PTPN13: variants seen among roughly 807,000 people sequenced by gnomAD.
The protein encoded by PTPN13 is tyrosine-protein phosphatase non-receptor type 13.
A neutral mutation model predicts 284.0 loss-of-function variants in PTPN13; 191 were observed. The ratio of observed to expected loss-of-function variants is 0.67; its 90% CI spans 0.60 to 0.76. The LOEUF (loss-of-function observed/expected upper bound fraction) is 0.76, where lower values mean the gene tolerates loss of function less well. PTPN13 is among the 30% of genes least tolerant of loss of function. The pLI, the probability that PTPN13 is intolerant of heterozygous loss-of-function variation, is 0.00. For synonymous variants in PTPN13, 986 were observed against 1,022.3 expected (o/e 0.96, Z 0.68); for missense variants, 2,797 against 2,939.9 (o/e 0.95, Z 1.12).
At chr4:86,629,727 G>A (rs1654966898) in intron 1 of PTPN13, among the ~76,000 whole-genome samples, 1 of 151,884 alleles carries the variant, frequency 6.6e-6, no homozygotes, top group African/African-American at 2.4e-5. Flanking sequence ...ATTTTTAAAT[G>A]AACATTCTTA....
chr4:86,760,495 T>A (rs1738547777), intron 23 of PTPN13, among the ~76,000 whole-genome samples: 1 of 152,304 alleles, frequency 6.6e-6, no homozygotes, highest in Admixed American at 6.5e-5. Context: ...TATTCATTTG[T>A]CCAACAAATA....
chr4:86,745,274 C>G, intron 17 of PTPN13, 146 bp downstream of exon 17: 1 of 759,464 alleles, frequency 1.3e-6, no homozygotes, highest in Non-Finnish European at 2.1e-6. Flanking sequence ...AAAGGTGTTA[C>G]AAGTGAAGCC....
At chr4:86,792,106 T>G (rs1194357684) in intron 40 of PTPN13, among the ~76,000 whole-genome samples, 2 of 151,936 alleles carry the variant, frequency 1.3e-5, no homozygotes, top group Non-Finnish European at 2.9e-5. Context: ...GCTAAAAACC[T>G]TGAAAAAAAG....
At chr4:86,605,193 G>C (rs1233861386) in intron 1 of PTPN13, among the ~76,000 whole-genome samples, 1 of 151,962 alleles carries the variant, frequency 6.6e-6, no homozygotes, top group East Asian at 1.9e-4. Context: ...TAAAGAAAGT[G>C]CCTTAGGAGA....
intron 2 of PTPN13, among the ~76,000 whole-genome samples, chr4:86,653,716 T>G (rs1259521633): frequency 6.6e-6 from 1 of 152,110 alleles, no homozygotes; most frequent in Non-Finnish European, 1.5e-5. Flanking sequence ...GTGATCACAG[T>G]GTGTATATAT....
At chr4:86,648,794 A>G (rs1724740663) in intron 2 of PTPN13, among the ~76,000 whole-genome samples, 1 of 151,984 alleles carries the variant, frequency 6.6e-6, no homozygotes, top group Admixed American at 6.6e-5. Context: ...ATTTTTTTTG[A>G]GAAACCTCCA....
chr4:86,800,272 C>T (rs1037281183), intron 42 of PTPN13, among the ~76,000 whole-genome samples: 5 of 151,846 alleles, frequency 3.3e-5, no homozygotes, highest in African/African-American at 7.2e-5. Context: ...GTGTTTAATT[C>T]GTCTTATTTT....
chr4:86,716,408 A>G (rs10516780), intron 7 of PTPN13, 122 bp from the exon 8 acceptor site: 56,350 of 626,222 alleles, frequency 0.09, 2,994 homozygotes, highest in Non-Finnish European at 0.11. Flanking sequence ...ACACTCCAGC[A>G]ATTGGTAAAT....
intron 35 of PTPN13, among the ~76,000 whole-genome samples, chr4:86,777,836 G>A (rs1398954253): frequency 1.3e-5 from 2 of 152,046 alleles, no homozygotes; most frequent in East Asian, 3.9e-4. Context: ...AATTGGATTG[G>A]CATACAATTG....
intron 1 of PTPN13, among the ~76,000 whole-genome samples, chr4:86,617,278 T>C (rs1229544219): frequency 1.3e-5 from 2 of 152,212 alleles, no homozygotes; most frequent in Non-Finnish European, 2.9e-5. Flanking sequence ...TCTGTTGCAC[T>C]GACCAGATTT....
intron 6 of PTPN13, among the ~76,000 whole-genome samples, chr4:86,700,160 A>G (rs1458002547): frequency 6.6e-6 from 1 of 152,192 alleles, no homozygotes; most frequent in Non-Finnish European, 1.5e-5. Flanking sequence ...TGTTCAGGGA[A>G]TTAAAGCTTA....
chr4:86,597,495 G>A (rs553424889), intron 1 of PTPN13, among the ~76,000 whole-genome samples: 12 of 152,266 alleles, frequency 7.9e-5, no homozygotes, highest in African/African-American at 2.6e-4. Flanking sequence ...ATTAATGTAG[G>A]ACTTTTAATG....
Position 86,732,649 on chromosome 4 carries a change from G to C in PTPN13, c.1741G>C (p.Gly581Arg). ...GAAAGTAAACATAATGCTTCTGAACGGGCAAAGACTGGAACTGACCTGTGA... is the reference window on the plus strand; with the variant it reads ...GAAAGTAAACATAATGCTTCTGAACCGGCAAAGACTGGAACTGACCTGTGA... ...RRKVNIMLLN[G>R]QRLELTCDTK... The change falls in exon 12 of 48, where the codon GGG (glycine) becomes CGG (arginine). Residue 581 changes from glycine to arginine, a missense_variant. Coordinates refer to ENST00000411767, the MANE Select transcript of PTPN13 (RefSeq NM_080683.3). 1 of 1,613,468 alleles carries C rather than the reference G, an allele frequency of 6.2e-7. No individual in the cohort carries two copies. Among genetic ancestry groups the C allele is most frequent in the Non-Finnish European group, 8.5e-7 (1 of 1,179,616 alleles).
At chr4:86,763,790 T>C (rs1015552040) in intron 24 of PTPN13, among the ~76,000 whole-genome samples, 1 of 151,966 alleles carries the variant, frequency 6.6e-6, no homozygotes. Context: ...CATGTATCTG[T>C]AGTCCTAGCT....
intron 45 of PTPN13, among the ~76,000 whole-genome samples, 164 bp from the exon 46 acceptor site, chr4:86,809,605 C>T (rs748279616): frequency 7.2e-5 from 11 of 152,084 alleles, no homozygotes; most frequent in Admixed American, 2.6e-4. Flanking sequence ...GCAGGAGAAT[C>T]GCTTGAACCT....
intron 2 of PTPN13, among the ~76,000 whole-genome samples, chr4:86,663,427 C>G (rs1000905804): frequency 2.6e-5 from 4 of 152,152 alleles, no homozygotes; most frequent in Non-Finnish European, 5.9e-5. Context: ...CCTTTTTGAT[C>G]AGATTCTTCT....
At chr4:86,650,497 A>T (rs1318178290) in intron 2 of PTPN13, among the ~76,000 whole-genome samples, 1 of 152,030 alleles carries the variant, frequency 6.6e-6, no homozygotes, top group East Asian at 1.9e-4. Flanking sequence ...GTTTGCAGAG[A>T]AGGGGTTTCA....
intron 4 of PTPN13, among the ~76,000 whole-genome samples, chr4:86,688,798 G>GAAGT (rs1326729780): frequency 3.9e-5 from 6 of 152,032 alleles, no homozygotes; most frequent in Non-Finnish European, 5.9e-5. Context: ...CCTTTCTAGG[G>GAAGT]AAGTATAAGT....
At chr4:86,623,715 C>T (rs1262654736) in intron 1 of PTPN13, among the ~76,000 whole-genome samples, 1 of 152,116 alleles carries the variant, frequency 6.6e-6, no homozygotes, top group Non-Finnish European at 1.5e-5. Context: ...ACTTTCTGCC[C>T]AGAATGTTCT....
Sources: gnomAD v4.1 joint callset for allele counts (sites outside exome capture counted in the v4.1 genomes callset) on GRCh38, gnomAD v4.1.1 for gene constraint, MANE v1.5 for transcripts, NCBI Gene and HGNC (gene_info 2026-07-23, HGNC 2026-07-21) for gene names.